TMEM132C: variants seen among roughly 807,000 people sequenced by gnomAD.
TMEM132C encodes transmembrane protein 132C, also known as protein phosphatase 1, regulatory subunit 152.
In TMEM132C, 29 loss-of-function variants were observed where a neutral mutation model predicts 61.4. The ratio of observed to expected loss-of-function variants is 0.47; its 90% CI spans 0.35 to 0.64. The LOEUF (loss-of-function observed/expected upper bound fraction) is 0.64, where lower values mean the gene tolerates loss of function less well. TMEM132C is among the 30% of genes least tolerant of loss of function. The pLI is 0.00. For synonymous variants in TMEM132C, 656 were observed against 633.1 expected (o/e 1.04, Z -0.54); for missense variants, 1,408 against 1,476.9 (o/e 0.95, Z 0.76).
chr12:128,354,894 C>G (rs1353110162), intron 1 of TMEM132C, among the ~76,000 whole-genome samples: 1 of 152,152 alleles, frequency 6.6e-6, no homozygotes, highest in African/African-American at 2.4e-5. Context: ...GCCTGAAAAC[C>G]AGCTTACTTG....
intron 2 of TMEM132C, among the ~76,000 whole-genome samples, chr12:128,436,679 C>G (rs563937923): frequency 6.6e-6 from 1 of 152,270 alleles, no homozygotes; most frequent in South Asian, 2.1e-4. Flanking sequence ...GAAATAGGAA[C>G]GCTTTTACAC....
chr12:128,450,712 A>G (rs1416172037), intron 2 of TMEM132C, among the ~76,000 whole-genome samples: 1 of 152,246 alleles, frequency 6.6e-6, no homozygotes, highest in Non-Finnish European at 1.5e-5. Flanking sequence ...ATACAGAAAA[A>G]TATATAAATA....
intron 1 of TMEM132C, among the ~76,000 whole-genome samples, chr12:128,299,942 C>G (rs999030035): frequency 6.6e-6 from 1 of 152,200 alleles, no homozygotes; most frequent in Admixed American, 6.5e-5. Context: ...CCAGTGGAAC[C>G]GGGGCAGGAT....
chr12:128,361,208 G>A lies in TMEM132C; in HGVS notation c.86-53524G>A, dbSNP rs531284296. On this transcript the variant is annotated intron_variant, in intron 1 of 8. Coordinates refer to ENST00000435159, the MANE Select transcript of TMEM132C (RefSeq NM_001136103.3). ...GTAACCCAGAGGATTGGCCTAGGTG[G>A]CCCAAGAATTTCTATCTGTCTTCAA... Among the ~76,000 whole-genome samples the A allele has an allele frequency of 5.9e-3, 892 of 152,278 alleles. 8 individuals are homozygous for A. Among genetic ancestry groups the A allele is most frequent in the African/African-American group, 0.02 (844 of 41,550 alleles).
At chr12:128,689,935 G>A (rs1296867393) in intron 5 of TMEM132C, among the ~76,000 whole-genome samples, 1 of 152,192 alleles carries the variant, frequency 6.6e-6, no homozygotes, top group African/African-American at 2.4e-5. Context: ...AGTTTGGCTA[G>A]ATGACGATTC....
At chr12:128,702,194 C>G (rs1268010398) in intron 8 of TMEM132C, among the ~76,000 whole-genome samples, 1 of 152,124 alleles carries the variant, frequency 6.6e-6, no homozygotes. Flanking sequence ...GCCACCACAT[C>G]TGGCCCCCAT....
intron 3 of TMEM132C, among the ~76,000 whole-genome samples, chr12:128,546,701 C>T (rs552696347): frequency 2.0e-5 from 3 of 152,260 alleles, no homozygotes; most frequent in South Asian, 2.1e-4. Flanking sequence ...AAGAGGAGGG[C>T]GGGTGGTGCA....
intron 1 of TMEM132C, among the ~76,000 whole-genome samples, chr12:128,362,658 C>T (rs902611874): frequency 6.6e-6 from 1 of 152,172 alleles, no homozygotes; most frequent in Non-Finnish European, 1.5e-5. Context: ...ATCCTAAGTG[C>T]TCCAATGAGG....
chr12:128,675,876 G>GATAA (rs1954580988), intron 5 of TMEM132C, among the ~76,000 whole-genome samples: 1 of 98,958 alleles, frequency 1.0e-5, no homozygotes, highest in Non-Finnish European at 2.2e-5. Context: ...TAGATAGATA[G>GATAA]ATAGATAAAT....
chr12:128,523,164 A>G (rs376259611), intron 2 of TMEM132C, among the ~76,000 whole-genome samples: 2 of 152,234 alleles, frequency 1.3e-5, no homozygotes, highest in Admixed American at 6.5e-5. Flanking sequence ...CAGTCACACA[A>G]GAACAAATAC....
intron 4 of TMEM132C, among the ~76,000 whole-genome samples, chr12:128,625,693 C>T (rs901936537): frequency 2.6e-5 from 4 of 152,238 alleles, no homozygotes; most frequent in African/African-American, 9.6e-5. Context: ...TTATTTCCCA[C>T]TGGGCCTCTC....
intron 2 of TMEM132C, among the ~76,000 whole-genome samples, chr12:128,492,578 C>T (rs373379234): frequency 6.6e-6 from 1 of 152,124 alleles, no homozygotes; most frequent in Non-Finnish European, 1.5e-5. Context: ...TTGTGGTTTT[C>T]ATTTGCATTT....
Position 128,353,587 on chromosome 12 carries a change from C to T in TMEM132C, c.86-61145C>T, listed in dbSNP as rs553056643. ...GCCCCTACTTTGCGCAGCTCCTCCC[C>T]TCCTGCAGCTTTTTATTGGGGTGTT... is the stretch of plus-strand genomic sequence containing the variant. On this transcript the variant is annotated intron_variant, in intron 1 of 8. Transcript: ENST00000435159. Among the ~76,000 whole-genome samples, 4 of 152,356 alleles carry T rather than the reference C, an allele frequency of 2.6e-5. No homozygotes were observed. In the East Asian group the frequency reaches 7.7e-4, roughly 29 times the overall value.
chr12:128,680,057 A>T (rs1166958129), intron 5 of TMEM132C, among the ~76,000 whole-genome samples: 1 of 152,194 alleles, frequency 6.6e-6, no homozygotes, highest in East Asian at 1.9e-4. Context: ...AGGATGAAGG[A>T]GGATGAAGAG....
chr12:128,700,167 A>G (rs1430857583), intron 8 of TMEM132C, among the ~76,000 whole-genome samples: 2 of 152,088 alleles, frequency 1.3e-5, no homozygotes, highest in Non-Finnish European at 2.9e-5. Context: ...ATCAGCTGAC[A>G]GTAATTGGTG....
At chr12:128,537,888 T>C (rs775483371) in intron 2 of TMEM132C, among the ~76,000 whole-genome samples, 18 of 152,338 alleles carry the variant, frequency 1.2e-4, no homozygotes, top group African/African-American at 3.6e-4. Context: ...AATATTATCA[T>C]TGGGGGAAGC....
At position 128,596,448 on chromosome 12, in the gene TMEM132C, G is replaced by A. The variant is rs552334346; in HGVS notation, c.1122-19704G>A. Among the ~76,000 whole-genome samples the A allele has an allele frequency of 2.7e-5, 4 of 150,164 alleles. No individual in the cohort carries two copies. In the South Asian group the frequency reaches 6.4e-4, roughly 24 times the overall value. On this transcript the variant is annotated intron_variant, in intron 3 of 8. Coordinates refer to ENST00000435159, the MANE Select transcript of TMEM132C (RefSeq NM_001136103.3). ...TGCCCCTTTCGCAGGTCTTGGTACAGAGGTGGCAGGGCTTCACTGATCCCA... is the reference window on the plus strand; with the variant it reads ...TGCCCCTTTCGCAGGTCTTGGTACAAAGGTGGCAGGGCTTCACTGATCCCA...
chr12:128,501,058 T>C (rs1872159041), intron 2 of TMEM132C, among the ~76,000 whole-genome samples: 1 of 152,192 alleles, frequency 6.6e-6, no homozygotes, highest in Non-Finnish European at 1.5e-5. Flanking sequence ...ATCAAAAACA[T>C]GCTACGTGCA....
In TMEM132C at chr12:128,630,231, T is replaced by G. The variant is rs368703043; in HGVS notation, c.1305+13896T>G. On this transcript the variant is annotated intron_variant, in intron 4 of 8. Coordinates refer to ENST00000435159, the MANE Select transcript of TMEM132C (RefSeq NM_001136103.3). This position sits in a 1 kb window ranked among gnomAD's most constrained non-coding sequence, Gnocchi z 4.3. ...CTAACAAGCTCCAGGGACCCCACTT[T>G]GAGAAGCACTGCCCTGGGTCCAGGG... Among the ~76,000 whole-genome samples, 1 of 152,050 alleles carries G rather than the reference T, an allele frequency of 6.6e-6. No individual in the cohort carries two copies. The highest frequency in any genetic ancestry group is 2.4e-5 in the African/African-American group (1 of 41,390).
Sources: allele counts gnomAD v4.1 joint callset (sites outside exome capture counted in the v4.1 genomes callset), GRCh38; gene constraint gnomAD v4.1.1; non-coding constraint Gnocchi (gnomAD v3.1); transcripts MANE v1.5; gene names NCBI Gene and HGNC (gene_info 2026-07-23, HGNC 2026-07-21).